The following SNX29 variants were observed in gnomAD, a reference collection of about 807,000 sequenced individuals.
SNX29 encodes sorting nexin 29, also known as sorting nexin-29.
SNX29 carries 78 observed loss-of-function variants against 102.1 expected under a neutral mutation model. The ratio of observed to expected loss-of-function variants is 0.76; its 90% CI spans 0.64 to 0.92. The LOEUF (loss-of-function observed/expected upper bound fraction) is 0.92, where lower values mean the gene tolerates loss of function less well. SNX29 is among the 40% of genes least tolerant of loss of function. The probability of loss-of-function intolerance (pLI) is 0.00; values close to 1 mark genes in which losing one functional copy is unlikely to be tolerated. For synonymous variants in SNX29, 580 were observed against 414.5 expected (o/e 1.40, Z -4.85); for missense variants, 1,280 against 1,061.7 (o/e 1.21, Z -2.86).
At position 12,098,614 on chromosome 16, in the gene SNX29, C is replaced by T. The variant is rs1033543761; in HGVS notation, c.1402+19699C>T. Among the ~76,000 whole-genome samples the T allele has an allele frequency of 7.9e-5, 12 of 152,214 alleles. No individual in the cohort carries two copies. The highest frequency in any genetic ancestry group is 1.3e-4 in the Admixed American group (2 of 15,284). On this transcript the variant is annotated intron_variant, in intron 11 of 20. Coordinates refer to ENST00000566228, the MANE Select transcript of SNX29 (RefSeq NM_032167.5). The surrounding 1 kb of genome is among the most constrained non-coding windows in gnomAD (Gnocchi z 6.0). ...TCATGCTCTTCCGTCTGCCGGGACA[C>T]CCTCCCCTCTCCTCCTCTTTTGCCT... is the stretch of plus-strand genomic sequence containing the variant.
intron 20 of SNX29, among the ~76,000 whole-genome samples, chr16:12,547,936 C>T (rs909028663): frequency 6.6e-6 from 1 of 152,134 alleles, no homozygotes; most frequent in Admixed American, 6.5e-5. Context: ...ACCTCAATTC[C>T]CAGTCTGCCC....
intron 16 of SNX29, among the ~76,000 whole-genome samples, chr16:12,378,655 G>A (rs982306671): frequency 6.6e-5 from 10 of 152,174 alleles, no homozygotes; most frequent in African/African-American, 9.7e-5. Flanking sequence ...TTCCAACATT[G>A]GGGGATGAAT....
intron 15 of SNX29, among the ~76,000 whole-genome samples, chr16:12,327,823 C>T (rs992135948): frequency 6.6e-6 from 1 of 152,132 alleles, no homozygotes; most frequent in African/African-American, 2.4e-5. Context: ...GTTGAGGTCA[C>T]TCCCATGAGG....
intron 20 of SNX29, among the ~76,000 whole-genome samples, chr16:12,529,057 A>G (rs867451374): frequency 3.3e-5 from 5 of 152,224 alleles, no homozygotes; most frequent in Admixed American, 2.0e-4. Flanking sequence ...CTTCTAAGTA[A>G]TCTGCCATCT....
intron 15 of SNX29, among the ~76,000 whole-genome samples, chr16:12,340,701 C>T (rs1045111014): frequency 1.3e-5 from 2 of 152,066 alleles, no homozygotes; most frequent in Admixed American, 1.3e-4. Flanking sequence ...GGACGATCTC[C>T]CCTGTCTCTC....
At chr16:12,378,171 T>G (rs1018568763) in intron 16 of SNX29, among the ~76,000 whole-genome samples, 1 of 152,106 alleles carries the variant, frequency 6.6e-6, no homozygotes, top group African/African-American at 2.4e-5. Context: ...TGAGGAAAAG[T>G]TTTATTTGGC....
chr16:12,563,880 C>A (rs1038966865), intron 20 of SNX29, among the ~76,000 whole-genome samples: 2 of 152,232 alleles, frequency 1.3e-5, no homozygotes, highest in Admixed American at 1.3e-4. Context: ...TCTCTAGCCC[C>A]TTGGGCCTCT....
Position 12,527,248 on chromosome 16 carries a change from G to A in SNX29, c.2318+2407G>A, listed in dbSNP as rs568410792. ...GATCAGCCACAGCCAAGCCTTACCC[G>A]TGCTGACGAATCTCCATGTGATCGT... On this transcript the variant is annotated intron_variant, in intron 20 of 20. Coordinates refer to ENST00000566228, the MANE Select transcript of SNX29 (RefSeq NM_032167.5). 79 of 533,304 alleles carry A rather than the reference G, an allele frequency of 1.5e-4. 2 individuals are homozygous for A. The highest frequency in any genetic ancestry group is 1.1e-3 in the South Asian group (73 of 65,224). The allele number at this position is 533,304 out of a possible 1,614,324, so 33.0% of individuals were successfully genotyped here.
intron 13 of SNX29, among the ~76,000 whole-genome samples, chr16:12,133,285 T>G (rs2054540093): frequency 1.1e-5 from 1 of 95,058 alleles, no homozygotes. Context: ...GTGTGGGTTT[T>G]TTTTTTTTTT....
At position 12,002,985 on chromosome 16, in the gene SNX29, G is replaced by A; in HGVS notation, c.70-6G>A. The A allele has an allele frequency of 6.2e-7, 1 of 1,614,172 alleles. No homozygotes were observed. The highest frequency in any genetic ancestry group is 8.5e-7 in the Non-Finnish European group (1 of 1,180,024). On this transcript the variant is annotated splice_polypyrimidine_tract_variant and splice_region_variant and intron_variant, in intron 2 of 20. Coordinates refer to ENST00000566228, the MANE Select transcript of SNX29 (RefSeq NM_032167.5). ...GCTGATCTCAGCAGCTTCTTTTTCT[G>A]TGCAGTGCCAGATCCGCTTTGGAGG...
At chr16:12,447,777 G>A (rs2151701096) in intron 18 of SNX29, among the ~76,000 whole-genome samples, 1 of 152,304 alleles carries the variant, frequency 6.6e-6, no homozygotes, top group South Asian at 2.1e-4. Context: ...TGGCGAGAGT[G>A]CTTCATGTGT....
intron 18 of SNX29, among the ~76,000 whole-genome samples, chr16:12,406,096 G>A (rs956103812): frequency 2.0e-5 from 3 of 151,590 alleles, no homozygotes; most frequent in African/African-American, 4.8e-5. Context: ...CTAGAGAAAC[G>A]TCTAAAAAAG....
intron 16 of SNX29, among the ~76,000 whole-genome samples, chr16:12,369,654 A>G (rs951156779): frequency 6.6e-6 from 1 of 152,046 alleles, no homozygotes; most frequent in African/African-American, 2.4e-5. Flanking sequence ...TGTAAATCTC[A>G]CTGGCTATGA....
chr16:12,482,308 C>T (rs1340789893), intron 19 of SNX29, among the ~76,000 whole-genome samples: 1 of 151,232 alleles, frequency 6.6e-6, no homozygotes, highest in Non-Finnish European at 1.5e-5. Context: ...TTTCCTTTTC[C>T]CTTCCTTTCC....
At chr16:12,274,902 C>T (rs2079198002) in intron 14 of SNX29, among the ~76,000 whole-genome samples, 1 of 152,024 alleles carries the variant, frequency 6.6e-6, no homozygotes, top group Non-Finnish European at 1.5e-5. Flanking sequence ...TTTTAAATAT[C>T]TCCGTATTCT....
intron 15 of SNX29, among the ~76,000 whole-genome samples, chr16:12,295,697 G>A (rs959334495): frequency 1.3e-5 from 2 of 151,966 alleles, no homozygotes; most frequent in African/African-American, 2.4e-5. Context: ...TATTTCTCTG[G>A]GTCACACAGG....
rs2079128255 is a variant in SNX29, at chr16:12,569,069, CCTT to C, written c.*441_*443del. 5.0e-6 allele frequency: 1 copy of C among 199,168 alleles called. No homozygotes were observed. The highest frequency in any genetic ancestry group is 9.5e-6 in the Non-Finnish European group (1 of 105,540). The allele number at this position is 199,168 out of a possible 1,614,324, so 12.3% of individuals were successfully genotyped here. On this transcript the variant is annotated 3_prime_UTR_variant, in exon 21 of 21. Coordinates refer to ENST00000566228, the MANE Select transcript of SNX29 (RefSeq NM_032167.5). The stretch of plus-strand genomic sequence containing the variant: ...GGGACTAGAATGACTATTAGCCTCT[CCTT>C]TTGCTTTTTAAGGTTATTACCTGGC...
intron 15 of SNX29, among the ~76,000 whole-genome samples, chr16:12,282,892 G>A (rs546571304): frequency 2.0e-5 from 3 of 152,276 alleles, no homozygotes; most frequent in South Asian, 4.1e-4. Context: ...CCTAACCTTA[G>A]GTGATCCGCC....
chr16:12,205,949 T>C (rs2077034626), intron 14 of SNX29, among the ~76,000 whole-genome samples: 1 of 152,230 alleles, frequency 6.6e-6, no homozygotes, highest in Non-Finnish European at 1.5e-5. Flanking sequence ...TTGGATCTCA[T>C]GGCCTTGAGT....
Sources: allele counts gnomAD v4.1 joint callset (sites outside exome capture counted in the v4.1 genomes callset), GRCh38; gene constraint gnomAD v4.1.1; non-coding constraint Gnocchi (gnomAD v3.1); transcripts MANE v1.5; gene names NCBI Gene and HGNC (gene_info 2026-07-23, HGNC 2026-07-21).